The following DSCAM variants were observed in gnomAD, a reference collection of about 807,000 sequenced individuals.
DSCAM encodes DS cell adhesion molecule, also known as cell adhesion molecule DSCAM.
DSCAM carries 47 observed loss-of-function variants against 217.7 expected under a neutral mutation model. The ratio of observed to expected loss-of-function variants is 0.22; its 90% confidence interval spans 0.17 to 0.28. The LOEUF is 0.28. Among genes scored for constraint, DSCAM ranks in the 10% least tolerant of loss-of-function variants. DSCAM has a pLI of 1.00. For synonymous variants in DSCAM, 1,056 were observed against 1,015.3 expected (o/e 1.04, Z -0.76); for missense variants, 2,080 against 2,618.3 (o/e 0.79, Z 4.49).
rs780829574 is a variant in DSCAM, at chr21:40,511,990, CA to C, written c.509-142746del. On this transcript the variant is annotated intron_variant, in intron 3 of 32. Transcript: ENST00000400454. ...TGGGCGACAGAGTGAGACTCTGTCT[CA>C]AAAAAAAAAAAAAAAAAAAGTATTC... Among the ~76,000 whole-genome samples, 168 of 26,792 alleles carry C rather than the reference CA, an allele frequency of 6.3e-3. 4 individuals carry two copies. The Middle Eastern group carries it at 0.091, about 14-fold the overall frequency. 17.6% of individuals were successfully genotyped at this position (26,792 alleles called of 152,430 possible). A position where few individuals can be genotyped will look rare whatever the true frequency, so the allele number is the denominator to read the frequency against.
intron 3 of DSCAM, among the ~76,000 whole-genome samples, chr21:40,528,833 G>A (rs1157988057): frequency 6.6e-6 from 1 of 151,074 alleles, no homozygotes; most frequent in Non-Finnish European, 1.5e-5. Context: ...GTGAGCAGCA[G>A]TCAGAGCCTC....
At chr21:40,788,107 C>G (rs2091609563) in intron 1 of DSCAM, among the ~76,000 whole-genome samples, 1 of 152,156 alleles carries the variant, frequency 6.6e-6, no homozygotes, top group Non-Finnish European at 1.5e-5. Context: ...CGCCCTCTTC[C>G]AAGAATTACT....
At chr21:40,106,383 G>T (rs1281475762) in intron 20 of DSCAM, among the ~76,000 whole-genome samples, 1 of 152,070 alleles carries the variant, frequency 6.6e-6, no homozygotes, top group Non-Finnish European at 1.5e-5. Context: ...TCAGTATTTT[G>T]TTGAGATTTC....
intron 3 of DSCAM, among the ~76,000 whole-genome samples, chr21:40,567,521 T>C (rs993154626): frequency 6.6e-6 from 1 of 152,248 alleles, no homozygotes; most frequent in Non-Finnish European, 1.5e-5. Flanking sequence ...TATCCACTAG[T>C]AAATGCACTA....
At chr21:40,514,533 A>G (rs529087434) in intron 3 of DSCAM, among the ~76,000 whole-genome samples, 1 of 152,330 alleles carries the variant, frequency 6.6e-6, no homozygotes, top group South Asian at 2.1e-4. Context: ...CATAAAATGG[A>G]TTATGCAATA....
chr21:40,545,501 T>TTAAAGCAAAGTTTATAA, intron 3 of DSCAM, among the ~76,000 whole-genome samples: 1 of 152,230 alleles, frequency 6.6e-6, no homozygotes, highest in African/African-American at 2.4e-5. Flanking sequence ...TGTGCTTTAA[T>TTAAAGCAAAGTTTATAA]AGTTTATAAA....
At chr21:40,669,302 G>A (rs1228117462) in intron 3 of DSCAM, among the ~76,000 whole-genome samples, 2 of 152,088 alleles carry the variant, frequency 1.3e-5, no homozygotes, top group African/African-American at 4.8e-5. Flanking sequence ...CAGACACAGG[G>A]AAAGCTCCTT....
intron 24 of DSCAM, 126 bp downstream of exon 24, chr21:40,083,782 T>C: frequency 1.6e-6 from 1 of 613,548 alleles, no homozygotes; most frequent in Non-Finnish European, 2.7e-6. Flanking sequence ...GGAGGGATTG[T>C]TTATATGACG....
intron 6 of DSCAM, among the ~76,000 whole-genome samples, chr21:40,339,940 T>C (rs1953507710): frequency 6.6e-6 from 1 of 152,212 alleles, no homozygotes; most frequent in African/African-American, 2.4e-5. Flanking sequence ...TACTGAGAGA[T>C]TGATGACCTC....
intron 3 of DSCAM, among the ~76,000 whole-genome samples, chr21:40,671,692 CAAAAA>C (rs71330402): frequency 9.2e-6 from 1 of 108,984 alleles, no homozygotes; most frequent in South Asian, 3.0e-4. Flanking sequence ...ATTCCTTAAA[CAAAAA>C]AAAAAAAAAA....
At chr21:40,311,932 T>C (rs929600044) in intron 9 of DSCAM, 149 bp downstream of exon 9, 1 of 426,028 alleles carries the variant, frequency 2.3e-6, no homozygotes, top group Non-Finnish European at 3.8e-6. Flanking sequence ...TTTAGAGTCG[T>C]ATTTTTTTTT....
At chr21:40,072,209 C>T (rs1480265367) in intron 27 of DSCAM, among the ~76,000 whole-genome samples, 3 of 152,158 alleles carry the variant, frequency 2.0e-5, no homozygotes, top group Non-Finnish European at 4.4e-5. Flanking sequence ...AAAAAGGTTC[C>T]ATCTTGCACC....
chr21:40,095,567 C>T (rs935684990), intron 20 of DSCAM, among the ~76,000 whole-genome samples: 3 of 152,120 alleles, frequency 2.0e-5, no homozygotes, highest in Non-Finnish European at 2.9e-5. Context: ...GGAATGACTG[C>T]TAATGGGCGT....
chr21:40,813,605 T>A (rs1026567536), intron 1 of DSCAM, among the ~76,000 whole-genome samples: 2 of 152,070 alleles, frequency 1.3e-5, no homozygotes, highest in Non-Finnish European at 2.9e-5. Context: ...TTGATTTCCA[T>A]ATATTTGTAT....
intron 3 of DSCAM, among the ~76,000 whole-genome samples, chr21:40,422,751 C>G (rs549692128): frequency 2.0e-5 from 3 of 152,258 alleles, no homozygotes; most frequent in Non-Finnish European, 4.4e-5. Flanking sequence ...TTTAAACTTC[C>G]TCCATATGAG....
chr21:40,485,237 C>CT (rs59901955), intron 3 of DSCAM, among the ~76,000 whole-genome samples: 1,107 of 108,140 alleles, frequency 0.01, 14 homozygotes, highest in African/African-American at 0.024. Flanking sequence ...GACTTTCTTT[C>CT]TTTTTTTTTT....
chr21:40,239,366 G>C (rs946541688), intron 11 of DSCAM, among the ~76,000 whole-genome samples: 1 of 152,138 alleles, frequency 6.6e-6, no homozygotes, highest in African/African-American at 2.4e-5. Flanking sequence ...TCACAAGATA[G>C]AGAAGTAGGC....
At chr21:40,792,331 G>A (rs1009939214) in intron 1 of DSCAM, among the ~76,000 whole-genome samples, 1 of 151,808 alleles carries the variant, frequency 6.6e-6, no homozygotes, top group African/African-American at 2.4e-5. Flanking sequence ...GTAGAGATGG[G>A]GTTTCACCAT....
rs141805700 is a variant in DSCAM at position 40,174,209 on chromosome 21, G to A, written c.2947+4718C>T. Among the ~76,000 whole-genome samples, 5 of 152,320 alleles carry A rather than the reference G, an allele frequency of 3.3e-5. No individual in the cohort carries two copies. In the East Asian group the frequency reaches 7.7e-4, roughly 24 times the overall value. Reference sequence around the variant, plus strand: ...GGTGGTTGGGGAAGCCATGAAGACTGCGCTGAATGGTGTGGTCTTGGCTTC... The same window carrying A: ...GGTGGTTGGGGAAGCCATGAAGACTACGCTGAATGGTGTGGTCTTGGCTTC... On this transcript the variant is annotated intron_variant, in intron 15 of 32. Transcript: ENST00000400454.
Sources: allele counts gnomAD v4.1 joint callset (sites outside exome capture counted in the v4.1 genomes callset), GRCh38; gene constraint gnomAD v4.1.1; transcripts MANE v1.5; gene names NCBI Gene and HGNC (gene_info 2026-07-23, HGNC 2026-07-21).